Variants in ATXN2 observed in about 807,000 individuals in gnomAD.
ATXN2 encodes ataxin 2.
ATXN2 carries 37 observed loss-of-function variants against 138.6 expected under a neutral mutation model. That is an observed-to-expected ratio of 0.27 (90% CI 0.21 to 0.35). ATXN2 has a LOEUF of 0.35. Among genes scored for constraint, ATXN2 ranks in the 10% least tolerant of loss-of-function variants. The pLI, the probability that ATXN2 is intolerant of heterozygous loss-of-function variation, is 1.00. For missense variants in ATXN2, 1,216 were observed against 1,480.3 expected, an observed-to-expected ratio of 0.82 and a Z score of 2.93; for synonymous variants, 549 against 543.7, an observed-to-expected ratio of 1.01 and a Z score of -0.13.
chr12:111,537,661 A>AATAG (rs936966066), intron 5 of ATXN2, among the ~76,000 whole-genome samples: 6 of 152,164 alleles, frequency 3.9e-5, no homozygotes, highest in African/African-American at 1.4e-4. Context: ...CAAACCTATG[A>AATAG]AGACAATAAA....
intron 5 of ATXN2, among the ~76,000 whole-genome samples, chr12:111,535,706 A>C (rs1286930784): frequency 6.6e-6 from 1 of 151,762 alleles, no homozygotes; most frequent in East Asian, 1.9e-4. Flanking sequence ...AAGTAGATTA[A>C]CATTGGGAAA....
intron 5 of ATXN2, among the ~76,000 whole-genome samples, chr12:111,549,541 A>C (rs1267880526): frequency 6.9e-6 from 1 of 145,464 alleles, no homozygotes; most frequent in Admixed American, 6.9e-5. Flanking sequence ...ATCTCGAAAT[A>C]AAAAAAAAAA....
intron 1 of ATXN2, among the ~76,000 whole-genome samples, chr12:111,586,017 C>T (rs1884308597): frequency 6.6e-6 from 1 of 151,920 alleles, no homozygotes; most frequent in Non-Finnish European, 1.5e-5. Context: ...CTGCCTCAGC[C>T]TCCCAAGTAG....
intron 14 of ATXN2, among the ~76,000 whole-genome samples, chr12:111,500,469 G>C (rs544716376): frequency 2.0e-5 from 3 of 152,290 alleles, no homozygotes; most frequent in African/African-American, 7.2e-5. Flanking sequence ...AAGGGTAATG[G>C]GGAGAAGAAG....
intron 18 of ATXN2, among the ~76,000 whole-genome samples, chr12:111,478,224 T>A (rs965083809): frequency 2.6e-5 from 4 of 152,086 alleles, no homozygotes; most frequent in Non-Finnish European, 5.9e-5. Flanking sequence ...ATGACCAACA[T>A]GGTGAAACCC....
chr12:111,569,465 A>G (rs1406281900), intron 1 of ATXN2, among the ~76,000 whole-genome samples: 1 of 152,210 alleles, frequency 6.6e-6, no homozygotes, highest in African/African-American at 2.4e-5. Context: ...GCAGTGGCCC[A>G]CACCTGCAAT....
At chr12:111,495,762 T>C (rs748896099) in intron 14 of ATXN2, among the ~76,000 whole-genome samples, 4 of 152,114 alleles carry the variant, frequency 2.6e-5, no homozygotes, top group Non-Finnish European at 4.4e-5. Flanking sequence ...TTACAGAACA[T>C]TGTGTCCAAC....
chr12:111,542,564 G>A (rs887338346), intron 5 of ATXN2, among the ~76,000 whole-genome samples: 6 of 152,104 alleles, frequency 3.9e-5, no homozygotes, highest in Admixed American at 2.0e-4. Context: ...CTTACTGGCT[G>A]CAAGTGAACC....
chr12:111,599,527 G>T, upstream of ATXN2: 3 of 1,207,958 alleles, frequency 2.5e-6, no homozygotes, highest in Non-Finnish European at 3.1e-6. Context: ...GAGGGCGGGC[G>T]CGCCGAGGCG....
intron 5 of ATXN2, among the ~76,000 whole-genome samples, chr12:111,542,477 G>C (rs1313503806): frequency 6.6e-6 from 1 of 151,860 alleles, no homozygotes; most frequent in Non-Finnish European, 1.5e-5. Context: ...CGCCTGGCTG[G>C]TTTGTTTTTG....
chr12:111,518,583 C>T (rs1467860714), intron 8 of ATXN2, among the ~76,000 whole-genome samples, 156 bp from the exon 9 acceptor site: 3 of 152,198 alleles, frequency 2.0e-5, no homozygotes, highest in Non-Finnish European at 4.4e-5. Flanking sequence ...GTTCTTCCAT[C>T]TTACCCTGAG....
At chr12:111,522,417 T>C (rs1297798470) in intron 6 of ATXN2, among the ~76,000 whole-genome samples, 1 of 150,412 alleles carries the variant, frequency 6.6e-6, no homozygotes, top group Non-Finnish European at 1.5e-5. Context: ...GAGACCATGC[T>C]GGCTAACATG....
At chr12:111,493,418 C>CAAATAAAAA (rs1878177821) in intron 14 of ATXN2, among the ~76,000 whole-genome samples, 1 of 45,646 alleles carries the variant, frequency 2.2e-5, no homozygotes, top group African/African-American at 1.0e-4. Flanking sequence ...GACTCTGTCT[C>CAAATAAAAA]AAAAAAAAAA....
intron 5 of ATXN2, among the ~76,000 whole-genome samples, chr12:111,528,558 A>G (rs1188614927): frequency 2.6e-5 from 4 of 152,210 alleles, no homozygotes; most frequent in Non-Finnish European, 2.9e-5. Context: ...TCTTCTGTTT[A>G]CAATACCAAA....
At chr12:111,495,181 G>A (rs1470754318) in intron 14 of ATXN2, among the ~76,000 whole-genome samples, 3 of 151,868 alleles carry the variant, frequency 2.0e-5, no homozygotes, top group South Asian at 2.1e-4. Flanking sequence ...GGTGGCAGGC[G>A]CCTGTAATCC....
chr12:111,599,259 C>T lies in ATXN2; in HGVS notation c.-225G>A, dbSNP rs866750676. ...AGCCGCCGGGAGCCGGGCCGAAACG[C>T]GCCGCCGCCGTTGCCGTTGCTACCA... On this transcript the variant is annotated 5_prime_UTR_variant, in exon 1 of 25. Transcript: ENST00000673436. The T allele has an allele frequency of 1.1e-5, 13 of 1,190,746 alleles. No individual in the cohort carries two copies. The highest frequency in any genetic ancestry group is 1.3e-5 in the Non-Finnish European group (13 of 965,396). 73.8% of individuals were successfully genotyped at this position (1,190,746 alleles called of 1,614,324 possible).
chr12:111,577,455 C>T (rs7301158), intron 1 of ATXN2, among the ~76,000 whole-genome samples: 10,168 of 151,548 alleles, frequency 0.067, 1,245 homozygotes, highest in East Asian at 0.56. Flanking sequence ...TTAGTAGAGA[C>T]GGGGTTTCAC....
At chr12:111,493,194 G>A (rs973752110) in intron 14 of ATXN2, among the ~76,000 whole-genome samples, 9 of 151,958 alleles carry the variant, frequency 5.9e-5, no homozygotes, top group Admixed American at 6.6e-5. Flanking sequence ...CAAGGCGGGC[G>A]GATCACCCTG....
At chr12:111,513,066 T>C in intron 11 of ATXN2, 1 of 334,418 alleles carries the variant, frequency 3.0e-6, no homozygotes, top group Non-Finnish European at 5.4e-6. Context: ...TCTGTATTTA[T>C]GAACCTTATA....
Sources: allele counts gnomAD v4.1 joint callset (sites outside exome capture counted in the v4.1 genomes callset), GRCh38; gene constraint gnomAD v4.1.1; transcripts MANE v1.5; gene names NCBI Gene and HGNC (gene_info 2026-07-23, HGNC 2026-07-21).